Variants in ABAT observed in about 807,000 individuals in gnomAD.
ABAT encodes the protein 4-aminobutyrate aminotransferase.
In ABAT, 45 loss-of-function variants were observed where a neutral mutation model predicts 64.6. The ratio of observed to expected loss-of-function variants is 0.70; its 90% CI spans 0.55 to 0.89. The LOEUF (loss-of-function observed/expected upper bound fraction) is 0.89, where lower values mean the gene tolerates loss of function less well. Among genes scored for constraint, ABAT ranks in the 40% least tolerant of loss-of-function variants. The pLI, the probability that ABAT is intolerant of heterozygous loss-of-function variation, is 0.00. For synonymous variants in ABAT, 297 were observed against 250.5 expected, an observed-to-expected ratio of 1.19 and a Z score of -1.75; for missense variants, 633 against 658.4, an observed-to-expected ratio of 0.96 and a Z score of 0.42.
chr16:8,723,257 G>A (rs753558754), intron 1 of ABAT, among the ~76,000 whole-genome samples: 5 of 152,096 alleles, frequency 3.3e-5, no homozygotes, highest in Non-Finnish European at 7.4e-5. Context: ...AGAGGAAGCC[G>A]AGAGGCTATT....
chr16:8,729,373 G>A (rs1306705562), intron 1 of ABAT, among the ~76,000 whole-genome samples: 1 of 152,192 alleles, frequency 6.6e-6, no homozygotes, highest in Non-Finnish European at 1.5e-5. Flanking sequence ...CATAGAGGCA[G>A]GGGCTTTGGG....
rs1474434718 is a variant in ABAT, at chr16:8,764,324, TTGTG to T, written c.447+178_447+181del. ...TCTTTTAAAGGACAGAAGGGATTCT[TTGTG>T]TGCAGGACAAAAGGAGCTGGGGAAA... On this transcript the variant is annotated intron_variant, in intron 7 of 15. Coordinates refer to ENST00000268251, the MANE Select transcript of ABAT (RefSeq NM_020686.6). This position sits in a 1 kb window ranked among gnomAD's most constrained non-coding sequence, Gnocchi z 4.2. 6.6e-6 allele frequency among the ~76,000 whole-genome samples: 1 copy of T among 152,184 alleles called. No homozygotes were observed. The highest frequency in any genetic ancestry group is 1.9e-4 in the East Asian group (1 of 5,190).
intron 1 of ABAT, among the ~76,000 whole-genome samples, chr16:8,734,540 T>C (rs866963406): frequency 4.6e-5 from 7 of 152,174 alleles, no homozygotes; most frequent in Non-Finnish European, 7.3e-5. Flanking sequence ...TTTCCTCCTC[T>C]GTAAAAAGAC....
In ABAT at chr16:8,774,877, C is replaced by A. The variant is rs749756374; in HGVS notation, c.955-13C>A. On this transcript the variant is annotated splice_polypyrimidine_tract_variant and intron_variant, in intron 12 of 15. Transcript: ENST00000268251. Reference sequence around the variant, plus strand: ...GGGTGTTTATTTCTCCCTCCTCTCTCTTCTCCGGCCAGCATGGCTGCGCCT... The same window carrying A: ...GGGTGTTTATTTCTCCCTCCTCTCTATTCTCCGGCCAGCATGGCTGCGCCT... 6.2e-7 allele frequency: 1 copy of A among 1,613,630 alleles called. No homozygotes were observed.
chr16:8,767,476 G>A (rs1240791658), intron 9 of ABAT, among the ~76,000 whole-genome samples: 3 of 152,170 alleles, frequency 2.0e-5, no homozygotes, highest in Non-Finnish European at 2.9e-5. Flanking sequence ...GAGTAGTAGG[G>A]AGCCAGGGGA....
intron 6 of ABAT, 69 bp from the exon 7 acceptor site, chr16:8,764,000 G>A: frequency 3.7e-6 from 5 of 1,339,784 alleles, no homozygotes; most frequent in Non-Finnish European, 5.4e-6. Flanking sequence ...GCTATGAAAA[G>A]CACCATTTGT....
In ABAT at chr16:8,674,696, G is replaced by T. The variant is rs1286165007; in HGVS notation, c.-57G>T. 1 of 152,324 alleles carries T rather than the reference G, an allele frequency of 6.6e-6. No homozygotes were observed. The highest frequency in any genetic ancestry group is 2.4e-5 in the African/African-American group (1 of 41,476). The allele number at this position is 152,324 out of a possible 1,614,324, so 9.4% of individuals were successfully genotyped here. A position where few individuals can be genotyped will look rare whatever the true frequency, so the allele number is the denominator to read the frequency against. On this transcript the variant is annotated 5_prime_UTR_variant, in exon 1 of 16. Coordinates refer to ENST00000268251, the MANE Select transcript of ABAT (RefSeq NM_020686.6). Reference sequence around the variant, plus strand: ...CCGGCGGATCGGATCCCGCAGATCGGAGACGGGGCCTGGAGGTGAGCGCGA... The same window carrying T: ...CCGGCGGATCGGATCCCGCAGATCGTAGACGGGGCCTGGAGGTGAGCGCGA...
intron 9 of ABAT, 45 bp from the exon 10 acceptor site, chr16:8,768,148 C>G: frequency 6.3e-7 from 1 of 1,582,626 alleles, no homozygotes; most frequent in Non-Finnish European, 8.7e-7. Flanking sequence ...TACAGTTCCC[C>G]CATCCTTACA....
At chr16:8,777,520 C>G (rs1303945449) in intron 14 of ABAT, among the ~76,000 whole-genome samples, 2 of 152,164 alleles carry the variant, frequency 1.3e-5, no homozygotes, top group African/African-American at 4.8e-5. Flanking sequence ...CATAATACTT[C>G]TAACACTTGA....
chr16:8,765,721 C>T (rs180706996), intron 8 of ABAT: 6 of 153,178 alleles, frequency 3.9e-5, no homozygotes, highest in Admixed American at 1.3e-4. Context: ...AAAACCCTTC[C>T]AGGCAAGCCA....
intron 1 of ABAT, among the ~76,000 whole-genome samples, chr16:8,701,892 G>A (rs1262699355): frequency 3.3e-5 from 5 of 150,316 alleles, no homozygotes; most frequent in Non-Finnish European, 3.0e-5. Context: ...CACGTTCAAG[G>A]AACCACGAGG....
At chr16:8,743,444 T>TATATATATATATATATATATATAA in intron 2 of ABAT, among the ~76,000 whole-genome samples, 2 of 117,670 alleles carry the variant, frequency 1.7e-5, no homozygotes, top group African/African-American at 3.7e-5. Flanking sequence ...TATATATATA[T>TATATATATATATATATATATATAA]ACACACATTT....
chr16:8,728,437 C>T (rs760952150), intron 1 of ABAT, among the ~76,000 whole-genome samples: 19 of 152,112 alleles, frequency 1.2e-4, no homozygotes, highest in Non-Finnish European at 2.1e-4. Context: ...TTGTGTGACG[C>T]CTCAGTGCTC....
chr16:8,784,343 C>G lies in ABAT; in HGVS notation c.*2913C>G, dbSNP rs867353342. On this transcript the variant is annotated 3_prime_UTR_variant, in exon 16 of 16. Transcript: ENST00000268251. ...GTATAGCATTAATGTATCTACATAC[C>G]TACACCTATCTATATATAAGCTCAT... 6.6e-6 allele frequency: 1 copy of G among 152,534 alleles called. No individual in the cohort carries two copies. The highest frequency in any genetic ancestry group is 2.1e-4 in the South Asian group (1 of 4,826). The allele number at this position is 152,534 out of a possible 1,614,324, so 9.4% of individuals were successfully genotyped here. A position where few individuals can be genotyped will look rare whatever the true frequency, so the allele number is the denominator to read the frequency against.
chr16:8,689,917 A>G (rs2057541823), intron 1 of ABAT, among the ~76,000 whole-genome samples: 1 of 152,212 alleles, frequency 6.6e-6, no homozygotes, highest in Non-Finnish European at 1.5e-5. Flanking sequence ...AGGCCTTTAA[A>G]CTACATTCAA....
At chr16:8,703,078 C>T (rs143292514) in intron 1 of ABAT, among the ~76,000 whole-genome samples, 194 of 151,870 alleles carry the variant, frequency 1.3e-3, no homozygotes, top group African/African-American at 4.4e-3. Flanking sequence ...ATTGTTTTTA[C>T]GGGTACCTTG....
In ABAT at chr16:8,722,951, T is replaced by G. The variant is rs893873036; in HGVS notation, c.-41-12748T>G. The stretch of plus-strand genomic sequence containing the variant: ...GTCCGAACGGGCCTTAGAAACAATG[T>G]GATCCAGCCAGGCAAGGTGGCTCAT... On this transcript the variant is annotated intron_variant, in intron 1 of 15. Coordinates refer to ENST00000268251, the MANE Select transcript of ABAT (RefSeq NM_020686.6). 1.9e-5 allele frequency: 21 copies of G among 1,077,578 alleles called. No individual in the cohort carries two copies. In the Admixed American group the frequency reaches 4.9e-4, roughly 25 times the overall value. 66.8% of individuals were successfully genotyped at this position (1,077,578 alleles called of 1,614,324 possible).
intron 5 of ABAT, 31 bp from the exon 6 acceptor site, chr16:8,757,726 G>A (rs753829778): frequency 3.7e-6 from 6 of 1,611,254 alleles, no homozygotes; most frequent in South Asian, 1.1e-5. Flanking sequence ...TGGATGCAAT[G>A]AGGTCTCTAA....
At position 8,781,156 on chromosome 16, in the gene ABAT, T is replaced by G. The variant is rs964631242; in HGVS notation, c.1382-153T>G. 8.7e-7 allele frequency: 1 copy of G among 1,146,048 alleles called. No individual in the cohort carries two copies. The highest frequency in any genetic ancestry group is 1.3e-6 in the Non-Finnish European group (1 of 762,998). 71.0% of individuals were successfully genotyped at this position (1,146,048 alleles called of 1,614,324 possible). A position where few individuals can be genotyped will look rare whatever the true frequency, so the allele number is the denominator to read the frequency against. On this transcript the variant is annotated intron_variant, in intron 15 of 15. Transcript: ENST00000268251. This position sits in a 1 kb window ranked among gnomAD's most constrained non-coding sequence, Gnocchi z 4.5. The stretch of plus-strand genomic sequence containing the variant: ...AAATGAAGACTGGATGGGTGGGTGG[T>G]AGGAAGGAAGCCCGGGCTTCCATGA...
Sources: allele counts gnomAD v4.1 joint callset (sites outside exome capture counted in the v4.1 genomes callset), GRCh38; gene constraint gnomAD v4.1.1; non-coding constraint Gnocchi (gnomAD v3.1); transcripts MANE v1.5; gene names NCBI Gene and HGNC (gene_info 2026-07-23, HGNC 2026-07-21).